The following DUSP8 variants were observed in gnomAD, a reference collection of about 807,000 sequenced individuals.
DUSP8 encodes the protein dual specificity phosphatase 8.
In DUSP8, 15 loss-of-function variants were observed where a neutral mutation model predicts 38.7. The observed-to-expected ratio is 0.39, with a 90% CI of 0.26 to 0.60. The LOEUF is 0.60. DUSP8 is among the 20% of genes least tolerant of loss of function. The probability of loss-of-function intolerance (pLI) is 0.56; values close to 1 mark genes in which losing one functional copy is unlikely to be tolerated. For missense variants in DUSP8, 768 were observed against 915.0 expected (o/e 0.84, Z 2.07); for synonymous variants, 458 against 433.9 (o/e 1.06, Z -0.69).
chr11:1,571,002 C>T (rs1463831944), intron 1 of DUSP8, among the ~76,000 whole-genome samples: 3 of 151,762 alleles, frequency 2.0e-5, no homozygotes, highest in Non-Finnish European at 4.4e-5. Context: ...GCCACCCCCT[C>T]CTCCATCCCA....
chr11:1,559,911 G>A (rs1167776125), intron 3 of DUSP8, among the ~76,000 whole-genome samples: 2 of 152,184 alleles, frequency 1.3e-5, no homozygotes, highest in South Asian at 2.1e-4. Flanking sequence ...CATGGGTAGT[G>A]CACACCATGG....
At chr11:1,568,696 C>T (rs1312341309) in intron 1 of DUSP8, among the ~76,000 whole-genome samples, 1 of 152,188 alleles carries the variant, frequency 6.6e-6, no homozygotes, top group Non-Finnish European at 1.5e-5. Flanking sequence ...CTCTGCCCTA[C>T]CTGGTCCTAA....
chr11:1,559,903 T>C (rs949965113), intron 3 of DUSP8, among the ~76,000 whole-genome samples: 1 of 152,126 alleles, frequency 6.6e-6, no homozygotes, highest in African/African-American at 2.4e-5. Flanking sequence ...TCAGTGACCA[T>C]GGGTAGTGCA....
intron 3 of DUSP8, among the ~76,000 whole-genome samples, chr11:1,561,795 GA>G (rs1423517420): frequency 1.3e-5 from 2 of 151,910 alleles, no homozygotes; most frequent in East Asian, 1.9e-4. Flanking sequence ...TCTCCTGGGT[GA>G]GGGGCAGCAC....
chr11:1,570,455 C>T (rs768454935), intron 1 of DUSP8, among the ~76,000 whole-genome samples: 1 of 152,192 alleles, frequency 6.6e-6, no homozygotes, highest in Non-Finnish European at 1.5e-5. Flanking sequence ...GATGCCCCTT[C>T]GAGGCACCTG....
intron 3 of DUSP8, 168 bp from the exon 4 acceptor site, chr11:1,559,223 T>A: frequency 1.7e-6 from 1 of 593,914 alleles, no homozygotes; most frequent in South Asian, 2.6e-5. Flanking sequence ...GCACCTGCTC[T>A]GCCCGCGGTG....
intron 2 of DUSP8, among the ~76,000 whole-genome samples, chr11:1,565,039 GA>G (rs1848781085): frequency 6.6e-6 from 1 of 152,242 alleles, no homozygotes. Context: ...TCCTTCCCCA[GA>G]AGGACATTCC....
In DUSP8 at chr11:1,557,549, T is replaced by C; in HGVS notation, c.847A>G (p.Ile283Val). Residue 283 changes from isoleucine to valine, a missense_variant, in exon 7 of 7, where the codon ATC becomes GTC. This residue lies in a region of DUSP8 where 252 missense variants were observed against 410.4 expected (regional missense o/e 0.61). Transcript: ENST00000397374. The surrounding 1 kb of genome is among the most constrained non-coding windows in gnomAD (Gnocchi z 9.9). ...CCCAGGAAGTTGAAGTTGGGCGAGA[T>C]GGACGGGCGCCTGTCCTTCACGAAC... ...YRFVKDRRPS[I>V]SPNFNFLGQL... 1 of 1,589,644 alleles carries C rather than the reference T, an allele frequency of 6.3e-7. No homozygotes were observed. Among genetic ancestry groups the C allele is most frequent in the African/African-American group, 1.3e-5 (1 of 74,690 alleles).
chr11:1,572,564 C>T (rs978410133), upstream of DUSP8, among the ~76,000 whole-genome samples: 11 of 151,656 alleles, frequency 7.3e-5, no homozygotes, highest in Non-Finnish European at 1.6e-4. This position sits in a 1 kb window ranked among gnomAD's most constrained non-coding sequence, Gnocchi z 4.7. Context: ...GCCCCGGGCC[C>T]CGCGTCACCC....
intron 1 of DUSP8, among the ~76,000 whole-genome samples, chr11:1,567,216 C>A (rs1007667778): frequency 9.9e-5 from 15 of 152,150 alleles, no homozygotes; most frequent in African/African-American, 3.6e-4. Flanking sequence ...ATAGATGTAC[C>A]CTGGGCCCTG....
intron 3 of DUSP8, among the ~76,000 whole-genome samples, chr11:1,560,246 C>T (rs1459229296): frequency 1.3e-5 from 2 of 152,142 alleles, no homozygotes; most frequent in South Asian, 2.1e-4. Flanking sequence ...GGAGTGACGG[C>T]GGGAGCTCAG....
chr11:1,570,852 G>A (rs572433437), intron 1 of DUSP8, among the ~76,000 whole-genome samples: 1 of 152,254 alleles, frequency 6.6e-6, no homozygotes, highest in African/African-American at 2.4e-5. Flanking sequence ...TGTGCCAGAA[G>A]GGAGGCAAGG....
In DUSP8 at chr11:1,555,494, G is replaced by T; in HGVS notation, c.*1024C>A. The T allele has an allele frequency of 8.1e-6, 4 of 496,470 alleles. No homozygotes were observed. The highest frequency in any genetic ancestry group is 8.6e-5 in the South Asian group (1 of 11,578). 30.8% of individuals were successfully genotyped at this position (496,470 alleles called of 1,614,324 possible). On this transcript the variant is annotated 3_prime_UTR_variant, in exon 7 of 7. Coordinates refer to ENST00000397374, the MANE Select transcript of DUSP8 (RefSeq NM_004420.3). Reference sequence around the variant, plus strand: ...TGCCTGGGGCATGGCTGGGAGGGGGGCGGGGCAGACCTGGAACAGAACCCT... The same window carrying T: ...TGCCTGGGGCATGGCTGGGAGGGGGTCGGGGCAGACCTGGAACAGAACCCT...
upstream of DUSP8, among the ~76,000 whole-genome samples, chr11:1,572,577 G>GC (rs1564940032): frequency 6.6e-6 from 1 of 151,372 alleles, no homozygotes; most frequent in Non-Finnish European, 1.5e-5. The surrounding 1 kb of genome is among the most constrained non-coding windows in gnomAD (Gnocchi z 4.7). Flanking sequence ...CGTCACCCAG[G>GC]CCCCCCGTCA....
chr11:1,566,010 A>C, intron 1 of DUSP8, 76 bp from the exon 2 acceptor site: 2 of 594,124 alleles, frequency 3.4e-6, no homozygotes, highest in Non-Finnish European at 6.0e-6. Flanking sequence ...GACAGATCAG[A>C]GCTGGGAGCT....
Position 1,554,699 on chromosome 11 carries a change from G to A in DUSP8, c.*1819C>T. 1 of 858,218 alleles carries A rather than the reference G, an allele frequency of 1.2e-6. No individual in the cohort carries two copies. Among genetic ancestry groups the A allele is most frequent in the Non-Finnish European group, 1.4e-6 (1 of 711,730 alleles). The allele number at this position is 858,218 out of a possible 1,614,324, so 53.2% of individuals were successfully genotyped here. On this transcript the variant is annotated 3_prime_UTR_variant, in exon 7 of 7. Coordinates refer to ENST00000397374, the MANE Select transcript of DUSP8 (RefSeq NM_004420.3). The stretch of plus-strand genomic sequence containing the variant: ...CCACTGTCTCCCGGACAGCACAGGG[G>A]TGGGGGGCGAGAAGCGGGAAGCCAG...
chr11:1,559,224 G>A, intron 3 of DUSP8, 169 bp from the exon 4 acceptor site: 1 of 591,944 alleles, frequency 1.7e-6, no homozygotes, highest in East Asian at 3.4e-5. Context: ...CACCTGCTCT[G>A]CCCGCGGTGG....
intron 1 of DUSP8, among the ~76,000 whole-genome samples, chr11:1,569,658 G>A (rs756142327): frequency 1.3e-5 from 2 of 152,080 alleles, no homozygotes; most frequent in African/African-American, 2.4e-5. Context: ...GAGCACAGAC[G>A]GGACCAGGGA....
intron 2 of DUSP8, among the ~76,000 whole-genome samples, chr11:1,564,587 G>C (rs970715590): frequency 2.6e-5 from 4 of 152,144 alleles, no homozygotes; most frequent in Non-Finnish European, 4.4e-5. Context: ...CCAAGGGCCA[G>C]CCCAGATGTT....
Sources: gnomAD v4.1 joint callset for allele counts (sites outside exome capture counted in the v4.1 genomes callset) on GRCh38, gnomAD v4.1.1 for gene constraint, gnomAD v4.1.1 regional missense constraint, Gnocchi (gnomAD v3.1) non-coding constraint, MANE v1.5 for transcripts, NCBI Gene and HGNC (gene_info 2026-07-23, HGNC 2026-07-21) for gene names.